ZNF385D: variants seen among roughly 807,000 people sequenced by gnomAD.
ZNF385D encodes the protein zinc finger protein 659.
A neutral mutation model predicts 35.8 loss-of-function variants in ZNF385D; 15 were observed. The observed-to-expected ratio is 0.42, with a 90% CI of 0.28 to 0.64. The LOEUF (loss-of-function observed/expected upper bound fraction) is 0.64. Among genes scored for constraint, ZNF385D ranks in the 30% least tolerant of loss-of-function variants. The probability of loss-of-function intolerance (pLI) is 0.23; values close to 1 mark genes in which losing one functional copy is unlikely to be tolerated. For synonymous variants in ZNF385D, 212 were observed against 186.8 expected, an observed-to-expected ratio of 1.13 and a Z score of -1.10; for missense variants, 474 against 494.6, an observed-to-expected ratio of 0.96 and a Z score of 0.39.
At chr3:22,009,482 G>T (rs1425393013) in intron 3 of ZNF385D, among the ~76,000 whole-genome samples, 1 of 151,880 alleles carries the variant, frequency 6.6e-6, no homozygotes, top group Non-Finnish European at 1.5e-5. Context: ...AATTAGCCGG[G>T]CGTGGTGTCG....
chr3:21,700,778 ATTAATG>A (rs1024277240), intron 1 of ZNF385D, among the ~76,000 whole-genome samples: 4 of 152,348 alleles, frequency 2.6e-5, no homozygotes, highest in African/African-American at 4.8e-5. Context: ...AGTGATATGT[ATTAATG>A]TTAATGTTAA....
chr3:21,855,925 A>T (rs996217803), intron 3 of ZNF385D, among the ~76,000 whole-genome samples: 4 of 151,984 alleles, frequency 2.6e-5, no homozygotes, highest in African/African-American at 7.2e-5. Context: ...TAATAACAAC[A>T]TGCTGCCACC....
intron 1 of ZNF385D, among the ~76,000 whole-genome samples, chr3:21,734,465 A>G (rs1339044442): frequency 1.3e-5 from 2 of 152,220 alleles, no homozygotes; most frequent in African/African-American, 4.8e-5. Flanking sequence ...ATGCTCTTAT[A>G]TAAGATATTT....
chr3:21,749,743 G>C (rs2069966988), intron 1 of ZNF385D, among the ~76,000 whole-genome samples: 2 of 152,090 alleles, frequency 1.3e-5, no homozygotes, highest in Admixed American at 6.5e-5. Context: ...ACAACTAAAG[G>C]CATTTAGCTT....
At chr3:22,033,718 T>C (rs1289692580) in intron 3 of ZNF385D, among the ~76,000 whole-genome samples, 1 of 152,122 alleles carries the variant, frequency 6.6e-6, no homozygotes, top group African/African-American at 2.4e-5. Context: ...CAATCTGTGA[T>C]TGAGAATAAA....
intron 3 of ZNF385D, among the ~76,000 whole-genome samples, chr3:21,903,168 C>T (rs1699499772): frequency 6.6e-6 from 1 of 152,132 alleles, no homozygotes; most frequent in Non-Finnish European, 1.5e-5. Flanking sequence ...GGTCATCTTT[C>T]TAAAAAGGGT....
chr3:22,148,439 A>C (rs993783389), intron 3 of ZNF385D, among the ~76,000 whole-genome samples: 1 of 152,190 alleles, frequency 6.6e-6, no homozygotes, highest in Non-Finnish European at 1.5e-5. Flanking sequence ...TTTTTAATCC[A>C]TTCATGGAAA....
At chr3:22,300,021 C>T (rs1013963700) in intron 2 of ZNF385D, among the ~76,000 whole-genome samples, 1 of 151,852 alleles carries the variant, frequency 6.6e-6, no homozygotes, top group Non-Finnish European at 1.5e-5. Flanking sequence ...GCACAAAGAA[C>T]AAAGCTGGAG....
intron 2 of ZNF385D, among the ~76,000 whole-genome samples, chr3:22,285,080 T>C (rs1377069380): frequency 2.6e-5 from 4 of 152,134 alleles, no homozygotes; most frequent in African/African-American, 7.2e-5. Flanking sequence ...ACAAGTTTAA[T>C]AGAAAAAAAT....
chr3:21,855,321 A>G (rs1033556098), intron 3 of ZNF385D, among the ~76,000 whole-genome samples: 7 of 152,012 alleles, frequency 4.6e-5, no homozygotes, highest in African/African-American at 1.7e-4. Flanking sequence ...CTGATATTGC[A>G]CCTGGACCAC....
intron 1 of ZNF385D, among the ~76,000 whole-genome samples, chr3:21,669,675 A>G (rs2066503519): frequency 6.6e-6 from 1 of 152,224 alleles, no homozygotes. Context: ...ATATATATAA[A>G]GTGCCCTAAC....
chr3:21,581,529 A>C (rs920925167), intron 2 of ZNF385D, among the ~76,000 whole-genome samples: 1 of 152,178 alleles, frequency 6.6e-6, no homozygotes, highest in Non-Finnish European at 1.5e-5. Flanking sequence ...GAGAGGGCTC[A>C]ATAAAGATTT....
chr3:21,748,552 T>C (rs2069896388), intron 1 of ZNF385D, among the ~76,000 whole-genome samples: 1 of 152,122 alleles, frequency 6.6e-6, no homozygotes, highest in Non-Finnish European at 1.5e-5. Context: ...GGGACACAAA[T>C]AAAGGATTTG....
intron 3 of ZNF385D, among the ~76,000 whole-genome samples, chr3:21,864,967 G>C (rs1469409348): frequency 1.5e-5 from 2 of 129,706 alleles, no homozygotes; most frequent in African/African-American, 5.8e-5. Flanking sequence ...GCCTGGAGCA[G>C]CCAACCTACG....
At position 21,717,706 on chromosome 3, in the gene ZNF385D, T is replaced by C. The variant is rs535695839; in HGVS notation, c.22+33189A>G. On this transcript the variant is annotated intron_variant, in intron 1 of 7. Coordinates refer to ENST00000281523, the MANE Select transcript of ZNF385D (RefSeq NM_024697.3). ...AGTGAATAAGTCTCATGAGATCTGA[T>C]AGTTTTATAAAGGGAAACCCCTTTC... Among the ~76,000 whole-genome samples the C allele has an allele frequency of 1.1e-4, 16 of 152,292 alleles. No homozygotes were observed. In the South Asian group the frequency reaches 1.5e-3, roughly 14 times the overall value.
At chr3:21,616,281 G>C (rs2064844075) in intron 2 of ZNF385D, among the ~76,000 whole-genome samples, 1 of 152,130 alleles carries the variant, frequency 6.6e-6, no homozygotes, top group African/African-American at 2.4e-5. Context: ...TACAATGCAT[G>C]CTATTTCCTT....
At chr3:21,879,860 G>A (rs1294528601) in intron 3 of ZNF385D, among the ~76,000 whole-genome samples, 1 of 151,918 alleles carries the variant, frequency 6.6e-6, no homozygotes, top group Non-Finnish European at 1.5e-5. Context: ...AGCGTGGACA[G>A]TCATACTTTT....
In ZNF385D at chr3:22,174,023, CAA is replaced by C. The variant is rs1491399131; in HGVS notation, c.107-4990_107-4989del. Among the ~76,000 whole-genome samples, 23 of 49,498 alleles carry C rather than the reference CAA, an allele frequency of 4.6e-4. No individual in the cohort carries two copies. In the Middle Eastern group the frequency reaches 0.035, roughly 75 times the overall value. 32.5% of individuals were successfully genotyped at this position (49,498 alleles called of 152,430 possible). On this transcript the variant is annotated intron_variant, in intron 2 of 5. Coordinates refer to the ZNF385D transcript ENST00000494108. ...ATTAAGATTATAAGCCATTTACACA[CAA>C]ACACACACACACACACACACACACA...
intron 3 of ZNF385D, among the ~76,000 whole-genome samples, chr3:21,880,578 T>C (rs1372073429): frequency 6.6e-6 from 1 of 151,932 alleles, no homozygotes; most frequent in East Asian, 1.9e-4. Flanking sequence ...GGCCTCCCTA[T>C]CCCCTGAGAC....
Sources: gnomAD v4.1 joint callset for allele counts (sites outside exome capture counted in the v4.1 genomes callset) on GRCh38, gnomAD v4.1.1 for gene constraint, MANE v1.5 for transcripts, NCBI Gene and HGNC (gene_info 2026-07-23, HGNC 2026-07-21) for gene names.